ABCC8: variants seen among roughly 807,000 people sequenced by gnomAD.
The protein encoded by ABCC8 is ATP-binding cassette sub-family C member 8.
Under a neutral mutation model 188.0 loss-of-function variants are expected in ABCC8, and 137 were observed. The ratio of observed to expected loss-of-function variants is 0.73; its 90% confidence interval spans 0.63 to 0.84. The LOEUF is 0.84. ABCC8 is among the 40% of genes least tolerant of loss of function. The pLI is 0.00. For synonymous variants in ABCC8, 797 were observed against 846.5 expected (o/e 0.94, Z 1.01); for missense variants, 1,750 against 2,072.7 (o/e 0.84, Z 3.02).
chr11:17,428,706 C>A, intron 12 of ABCC8, 36 bp from the exon 13 acceptor site: 1 of 1,607,736 alleles, frequency 6.2e-7, no homozygotes. Context: ...CTCACCCCTG[C>A]CAGGGGCAGA....
Position 17,430,887 on chromosome 11 carries a change from G to A in ABCC8, c.1744C>T (p.Leu582Phe), listed in dbSNP as rs137852674. 1.2e-6 allele frequency: 2 copies of A among 1,614,258 alleles called. No individual in the cohort carries two copies. Among genetic ancestry groups the A allele is most frequent in the Non-Finnish European group, 1.7e-6 (2 of 1,180,046 alleles). The change falls in exon 12 of 39, where the codon CTC (leucine) becomes TTC (phenylalanine). Residue 582 changes from leucine (L) to phenylalanine (F), a missense_variant. Transcript: ENST00000389817. The part of the protein sequence containing the change: ...SPSVAFASLS[L>F]FHILVTPLFL... ...AGCGGTGTGACCAAGATATGGAAGAGGGAGAGGGAGGCAAAGGCCACGGAG... is the reference window on the plus strand; with the variant it reads ...AGCGGTGTGACCAAGATATGGAAGAAGGAGAGGGAGGCAAAGGCCACGGAG...
chr11:17,414,619 AG>A lies in ABCC8; in HGVS notation c.2292-10del. On this transcript the variant is annotated splice_polypyrimidine_tract_variant and intron_variant, in intron 18 of 38. Coordinates refer to ENST00000389817, the MANE Select transcript of ABCC8 (RefSeq NM_000352.6). ...CCACGGGGCCTCTCTTCCTGGAAAA[AG>A]CAGGGCGGGAGTAGGGGGTGCGGAA... The A allele has an allele frequency of 6.2e-7, 1 of 1,614,136 alleles. No homozygotes were observed.
Position 17,396,851 on chromosome 11 carries a change from T to A in ABCC8, c.4119+65A>T, listed in dbSNP as rs1374722844. ...CGAGGTGACTGCGAAGCCATCCAGC[T>A]CCGTGCATGCCCCATCCCCTGCTCA... is the stretch of plus-strand genomic sequence containing the variant. On this transcript the variant is annotated intron_variant, in intron 33 of 38. Transcript: ENST00000389817. The A allele has an allele frequency of 1.9e-6, 3 of 1,596,064 alleles. No individual in the cohort carries two copies. In the South Asian group the frequency reaches 3.3e-5, roughly 18 times the overall value.
chr11:17,475,203 A>G (rs1848694658), intron 1 of ABCC8, 176 bp from the exon 2 acceptor site: 1 of 426,194 alleles, frequency 2.3e-6, no homozygotes, highest in Non-Finnish European at 3.1e-6. Flanking sequence ...GCCTGGTCCT[A>G]TGCTGGTACC....
At position 17,406,968 on chromosome 11, in the gene ABCC8, C is replaced by A; in HGVS notation, c.3082G>T (p.Ala1028Ser). The A allele has an allele frequency of 6.2e-7, 1 of 1,614,156 alleles. No homozygotes were observed. The highest frequency in any genetic ancestry group is 8.5e-7 in the Non-Finnish European group (1 of 1,180,042). ...CACTTGGCCAGCCAGTAGTCGATGG[C>A]CACCAGGACCATGTGCTTGAGCAGC... is the stretch of plus-strand genomic sequence containing the variant. ...SQLLKHMVLV[A>S]IDYWLAKWTD... The change falls in exon 25 of 39, where the codon GCC (alanine) becomes TCC (serine). Residue 1028 changes from alanine (A) to serine (S), a missense_variant. Coordinates refer to ENST00000389817, the MANE Select transcript of ABCC8 (RefSeq NM_000352.6).
intron 16 of ABCC8, 68 bp downstream of exon 16, chr11:17,426,981 T>A (rs1050156850): frequency 1.2e-5 from 19 of 1,572,066 alleles, no homozygotes; most frequent in Non-Finnish European, 1.7e-5. Flanking sequence ...TGTGTGTGCA[T>A]CCTCAACTGA....
At chr11:17,432,176 C>G in intron 11 of ABCC8, 28 bp downstream of exon 11, 1 of 1,552,156 alleles carries the variant, frequency 6.4e-7, no homozygotes, top group Non-Finnish European at 8.7e-7. Context: ...CACCCTACCC[C>G]CAAGAGATGG....
chr11:17,472,729 G>C (rs998551158), intron 2 of ABCC8, among the ~76,000 whole-genome samples: 1 of 152,196 alleles, frequency 6.6e-6, no homozygotes. Context: ...CCACACACAG[G>C]AGGGGCTGCT....
At chr11:17,445,697 T>C (rs979830863) in intron 8 of ABCC8, among the ~76,000 whole-genome samples, 1 of 152,080 alleles carries the variant, frequency 6.6e-6, no homozygotes, top group African/African-American at 2.4e-5. Context: ...GCTGGTCAAA[T>C]CTATAAGTGG....
intron 6 of ABCC8, among the ~76,000 whole-genome samples, chr11:17,459,680 G>T (rs1221704712): frequency 6.6e-6 from 1 of 152,146 alleles, no homozygotes; most frequent in African/African-American, 2.4e-5. Context: ...CTTATTAGGG[G>T]TGAAAAAGTT....
chr11:17,395,396 G>C, intron 35 of ABCC8, 121 bp from the exon 36 acceptor site: 12 of 1,529,602 alleles, frequency 7.8e-6, no homozygotes, highest in Non-Finnish European at 9.7e-6. Context: ...GAGAAGCACC[G>C]AGGTGGTGGC....
At position 17,396,905 on chromosome 11, in the gene ABCC8, C is replaced by G. The variant is rs781559986; in HGVS notation, c.4119+11G>C. On this transcript the variant is annotated intron_variant, in intron 33 of 38. Transcript: ENST00000389817. ...CTGTCCTGCAGCATTGGGTTGGGCC[C>G]GTGCTCTGACCTTCTGTCCAGGGGC... 4.3e-5 allele frequency: 70 copies of G among 1,613,490 alleles called. No homozygotes were observed. Among genetic ancestry groups the G allele is most frequent in the Non-Finnish European group, 5.1e-5 (60 of 1,179,984 alleles).
rs1299283060 is a variant in ABCC8, at chr11:17,427,860, G to A, written c.2116+7C>T. On this transcript the variant is annotated splice_region_variant and intron_variant, in intron 15 of 38. Transcript: ENST00000389817. The surrounding 1 kb of genome is among the most constrained non-coding windows in gnomAD (Gnocchi z 5.0). Reference sequence around the variant, plus strand: ...GGGGCATGCTGGAGGGGTGGACTGGGCCATACCTCGGGGGATACGAATGGT... The same window carrying A: ...GGGGCATGCTGGAGGGGTGGACTGGACCATACCTCGGGGGATACGAATGGT... 1 of 1,613,938 alleles carries A rather than the reference G, an allele frequency of 6.2e-7. No homozygotes were observed. The highest frequency in any genetic ancestry group is 1.7e-5 in the Admixed American group (1 of 60,002).
intron 8 of ABCC8, among the ~76,000 whole-genome samples, chr11:17,446,473 C>T (rs1956535841): frequency 6.6e-6 from 1 of 152,060 alleles, no homozygotes; most frequent in Non-Finnish European, 1.5e-5. Flanking sequence ...GAGATGAGGT[C>T]TCTCTATGTT....
intron 29 of ABCC8, 98 bp downstream of exon 29, chr11:17,402,563 G>C: frequency 6.2e-7 from 1 of 1,609,546 alleles, no homozygotes; most frequent in Non-Finnish European, 8.5e-7. Flanking sequence ...CGTGTCCTTG[G>C]CCTTCCCAAG....
intron 26 of ABCC8, 25 bp downstream of exon 26, chr11:17,406,597 C>T (rs1954535176): frequency 6.2e-7 from 1 of 1,604,662 alleles, no homozygotes; most frequent in Admixed American, 1.7e-5. Context: ...CTCACAGTCC[C>T]AGCCTGGCCA....
At chr11:17,402,526 T>C in intron 29 of ABCC8, 135 bp downstream of exon 29, 1 of 1,555,746 alleles carries the variant, frequency 6.4e-7, no homozygotes, top group South Asian at 1.2e-5. Context: ...CCTTGGGCCT[T>C]GGGACCTGAG....
At chr11:17,457,262 ACACACACACATG>A (rs1159302139) in intron 6 of ABCC8, among the ~76,000 whole-genome samples, 1 of 152,188 alleles carries the variant, frequency 6.6e-6, no homozygotes, top group Non-Finnish European at 1.5e-5. Flanking sequence ...GGGGGCATAG[ACACACACACATG>A]CACACACACA....
rs563682827 is a variant in ABCC8, at chr11:17,404,922, TG to T, written c.3400-254del. ...GATTACAGGCACCTGCCACCACACC[TG>T]GCTAATTTTTGTATTTTTAATAGAG... On this transcript the variant is annotated intron_variant, in intron 27 of 38. Transcript: ENST00000389817. The surrounding 1 kb of genome is among the most constrained non-coding windows in gnomAD (Gnocchi z 4.7). Among the ~76,000 whole-genome samples, 77 of 152,160 alleles carry T rather than the reference TG, an allele frequency of 5.1e-4. No individual in the cohort carries two copies. Among genetic ancestry groups the T allele is most frequent in the African/African-American group, 1.8e-3 (75 of 41,514 alleles).
Sources: allele counts gnomAD v4.1 joint callset (sites outside exome capture counted in the v4.1 genomes callset), GRCh38; gene constraint gnomAD v4.1.1; non-coding constraint Gnocchi (gnomAD v3.1); transcripts MANE v1.5; gene names NCBI Gene and HGNC (gene_info 2026-07-23, HGNC 2026-07-21).